Variants in SLC7A5 observed in about 807,000 individuals in gnomAD.
The protein encoded by SLC7A5 is large neutral amino acids transporter small subunit 1.
SLC7A5 carries 23 observed loss-of-function variants against 50.2 expected under a neutral mutation model. That is an observed-to-expected ratio of 0.46 (90% CI 0.33 to 0.65). The LOEUF is 0.65. Ranked by LOEUF, SLC7A5 falls within the 30% of genes least tolerant of loss-of-function variation. SLC7A5 has a pLI of 0.02. For missense variants in SLC7A5, 578 were observed against 684.4 expected, an observed-to-expected ratio of 0.84 and a Z score of 1.73; for synonymous variants, 393 against 330.6, an observed-to-expected ratio of 1.19 and a Z score of -2.05.
chr16:87,859,777 A>T (rs1403054685), intron 1 of SLC7A5, among the ~76,000 whole-genome samples: 1 of 152,018 alleles, frequency 6.6e-6, no homozygotes, highest in South Asian at 2.1e-4. Context: ...CATCTCTACT[A>T]AAAATACAAA....
At chr16:87,835,551 G>A (rs1298709595) in intron 8 of SLC7A5, among the ~76,000 whole-genome samples, 2 of 152,202 alleles carry the variant, frequency 1.3e-5, no homozygotes, top group Non-Finnish European at 2.9e-5. Flanking sequence ...GTACAGTGGC[G>A]CGACCTCGGC....
At position 87,862,863 on chromosome 16, in the gene SLC7A5, C is replaced by T. The variant is rs569828387; in HGVS notation, c.538+6022G>A. Among the ~76,000 whole-genome samples the T allele has an allele frequency of 6.6e-6, 1 of 152,330 alleles. No individual in the cohort carries two copies. The highest frequency in any genetic ancestry group is 6.5e-5 in the Admixed American group (1 of 15,306). On this transcript the variant is annotated intron_variant, in intron 1 of 9. Transcript: ENST00000261622. The surrounding 1 kb of genome is among the most constrained non-coding windows in gnomAD (Gnocchi z 5.3). Reference sequence around the variant, plus strand: ...GCTCACAGGTTCCTAAACGCATACCCGCCCACACCAATCTGCTGAGGAGTG... The same window carrying T: ...GCTCACAGGTTCCTAAACGCATACCTGCCCACACCAATCTGCTGAGGAGTG...
chr16:87,856,244 T>G (rs1447384388), intron 1 of SLC7A5, among the ~76,000 whole-genome samples: 3 of 152,232 alleles, frequency 2.0e-5, no homozygotes, highest in Non-Finnish European at 4.4e-5. Flanking sequence ...GCGCACGGTT[T>G]CAGAGTCTGT....
intron 1 of SLC7A5, among the ~76,000 whole-genome samples, chr16:87,859,596 T>C (rs1249339995): frequency 6.6e-6 from 1 of 152,144 alleles, no homozygotes; most frequent in Non-Finnish European, 1.5e-5. Context: ...CAGGCCTTGT[T>C]ATACCCCCTC....
intron 8 of SLC7A5, among the ~76,000 whole-genome samples, chr16:87,836,235 C>T (rs1263924932): frequency 6.6e-6 from 1 of 152,272 alleles, no homozygotes; most frequent in East Asian, 1.9e-4. Context: ...ACTGCAGTGT[C>T]CTTATCTGCT....
At chr16:87,856,159 A>G (rs1357527903) in intron 1 of SLC7A5, among the ~76,000 whole-genome samples, 2 of 152,130 alleles carry the variant, frequency 1.3e-5, no homozygotes, top group African/African-American at 2.4e-5. Flanking sequence ...TTCAGACCCA[A>G]CAGAAACAGA....
intron 1 of SLC7A5, chr16:87,854,071 C>T (rs76240636): frequency 7.1e-5 from 6 of 85,012 alleles, no homozygotes; most frequent in Non-Finnish European, 1.1e-4. Flanking sequence ...AGGACCCCCC[C>T]GCCCCCCCCC....
chr16:87,848,673 C>T lies in SLC7A5; in HGVS notation c.664+3051G>A, dbSNP rs528114817. On this transcript the variant is annotated intron_variant, in intron 2 of 9. Transcript: ENST00000261622. ...TCAGCCAGCTGCCCCTCCCAGCCCG[C>T]ATCTCAGGAAAGGCCCAACCCCTCA... 2.6e-4 allele frequency among the ~76,000 whole-genome samples: 39 copies of T among 152,290 alleles called. 1 individual carries two copies. The South Asian group carries it at 7.7e-3, about 30-fold the overall frequency.
intron 1 of SLC7A5, among the ~76,000 whole-genome samples, chr16:87,865,696 C>T (rs2055452072): frequency 1.3e-5 from 2 of 152,102 alleles, no homozygotes; most frequent in African/African-American, 4.8e-5. Context: ...AAGAGCAAAA[C>T]TCCATCTCAA....
chr16:87,849,173 G>A (rs754690837), intron 2 of SLC7A5, among the ~76,000 whole-genome samples: 4 of 152,260 alleles, frequency 2.6e-5, no homozygotes, highest in Admixed American at 2.6e-4. Flanking sequence ...ATCTGGGGGC[G>A]CTGCTGCCAG....
intron 5 of SLC7A5, among the ~76,000 whole-genome samples, 164 bp downstream of exon 5, chr16:87,839,538 G>A (rs1480471982): frequency 1.3e-5 from 2 of 152,206 alleles, no homozygotes; most frequent in African/African-American, 4.8e-5. Context: ...GTCGCTGTGA[G>A]GGGAGACCAC....
chr16:87,866,267 G>C (rs140705023), intron 1 of SLC7A5, among the ~76,000 whole-genome samples: 2,830 of 152,146 alleles, frequency 0.019, 86 homozygotes, highest in African/African-American at 0.065. Flanking sequence ...AAATAAATAG[G>C]CCAGCGATAT....
chr16:87,865,998 G>A (rs2055456073), intron 1 of SLC7A5, among the ~76,000 whole-genome samples: 1 of 151,882 alleles, frequency 6.6e-6, no homozygotes, highest in Non-Finnish European at 1.5e-5. Flanking sequence ...CACAGACTCT[G>A]TCTCAAAACA....
intron 8 of SLC7A5, 178 bp from the exon 9 acceptor site, chr16:87,834,769 G>A: frequency 1.5e-6 from 1 of 680,098 alleles, no homozygotes; most frequent in Non-Finnish European, 2.6e-6. Context: ...CCTCGACTCT[G>A]CATACAGTGC....
At position 87,836,499 on chromosome 16, in the gene SLC7A5, T is replaced by G; in HGVS notation, c.1289A>C (p.Lys430Thr). The change falls in exon 8 of 10, where the codon AAG becomes ACG. Residue 430 changes from lysine to threonine, a missense_variant and splice_region_variant. Around this residue, in one of 2 missense-constraint regions of SLC7A5, gnomAD observed 465 missense variants for 594.6 expected, o/e 0.78. Transcript: ENST00000261622. ...GTGAGCGGGAGGCCCCGGGCTCACC[T>G]TGATGGGCCGCTCAAGCTCAGGCTT... is the stretch of plus-strand genomic sequence containing the variant. ...HRKPELERPI[K>T]VNLALPVFFI... 2 of 1,610,626 alleles carry G rather than the reference T, an allele frequency of 1.2e-6. No individual in the cohort carries two copies. Among genetic ancestry groups the G allele is most frequent in the Non-Finnish European group, 1.7e-6 (2 of 1,179,910 alleles).
chr16:87,863,144 C>T (rs1432826279), intron 1 of SLC7A5, among the ~76,000 whole-genome samples: 3 of 152,230 alleles, frequency 2.0e-5, no homozygotes, highest in Admixed American at 6.5e-5. Context: ...CACCTATGCG[C>T]TTGGAGAAGT....
At chr16:87,842,142 C>A (rs541931783) in intron 2 of SLC7A5, among the ~76,000 whole-genome samples, 1 of 152,234 alleles carries the variant, frequency 6.6e-6, no homozygotes, top group Admixed American at 6.5e-5. Context: ...GGAGCCGGGT[C>A]CCCTCCTGCC....
At chr16:87,868,503 G>C (rs4843723) in intron 1 of SLC7A5, among the ~76,000 whole-genome samples, 1 of 152,104 alleles carries the variant, frequency 6.6e-6, no homozygotes, top group Admixed American at 6.6e-5. Flanking sequence ...GTCAGCAATC[G>C]GAGCTCTAAC....
chr16:87,843,069 G>A lies in SLC7A5; in HGVS notation c.665-1914C>T, dbSNP rs1485874427. On this transcript the variant is annotated intron_variant, in intron 2 of 9. Transcript: ENST00000261622. ...CTGCCTCCCCCATCTGGCACTCATG[G>A]TGGGAGGGGGTGAAGGTGAGCCCTG... Among the ~76,000 whole-genome samples, 7 of 152,162 alleles carry A rather than the reference G, an allele frequency of 4.6e-5. No homozygotes were observed. The South Asian group carries it at 1.0e-3, about 22-fold the overall frequency.
Sources: allele counts gnomAD v4.1 joint callset (sites outside exome capture counted in the v4.1 genomes callset), GRCh38; gene constraint gnomAD v4.1.1; regional missense constraint gnomAD v4.1.1; non-coding constraint Gnocchi (gnomAD v3.1); transcripts MANE v1.5; gene names NCBI Gene and HGNC (gene_info 2026-07-23, HGNC 2026-07-21).